The following KCNK13 variants were observed in gnomAD, a reference collection of about 807,000 sequenced individuals.
KCNK13 encodes the protein potassium two pore domain channel subfamily K member 13.
Under a neutral mutation model 23.4 loss-of-function variants are expected in KCNK13, and 12 were observed. The observed-to-expected ratio is 0.51, with a 90% confidence interval of 0.33 to 0.83. The LOEUF is 0.83. KCNK13 is among the 40% of genes least tolerant of loss of function. The probability of loss-of-function intolerance (pLI) is 0.02; values close to 1 mark genes in which losing one functional copy is unlikely to be tolerated. For missense variants in KCNK13, 463 were observed against 556.3 expected (o/e 0.83, Z 1.69); for synonymous variants, 231 against 229.5 (o/e 1.01, Z -0.06).
chr14:90,137,657 G>A (rs1251818331), intron 1 of KCNK13, among the ~76,000 whole-genome samples: 1 of 152,124 alleles, frequency 6.6e-6, no homozygotes, highest in Non-Finnish European at 1.5e-5. Context: ...GAGAACAAAT[G>A]AAAGAAGGCT....
intron 1 of KCNK13, among the ~76,000 whole-genome samples, chr14:90,143,416 A>G (rs1410720119): frequency 6.6e-6 from 1 of 151,966 alleles, no homozygotes; most frequent in Non-Finnish European, 1.5e-5. Context: ...CCAAAGCAGC[A>G]CATTTGGGAG....
intron 1 of KCNK13, among the ~76,000 whole-genome samples, chr14:90,173,033 A>G (rs1378825439): frequency 2.0e-5 from 3 of 152,226 alleles, no homozygotes; most frequent in Non-Finnish European, 4.4e-5. Context: ...CTAGAAATCA[A>G]TAATAAACAA....
In KCNK13 at chr14:90,178,012, G is replaced by A. The variant is rs550332374; in HGVS notation, c.335-6099G>A. Among the ~76,000 whole-genome samples, 11 of 152,264 alleles carry A rather than the reference G, an allele frequency of 7.2e-5. No individual in the cohort carries two copies. The South Asian group carries it at 2.1e-3, about 29-fold the overall frequency. ...TGACTCATGCTGCAGACACACTGCA[G>A]ACACACAAAGTTGCTCTGCTTTTTT... is the stretch of plus-strand genomic sequence containing the variant. On this transcript the variant is annotated intron_variant, in intron 1 of 1. Transcript: ENST00000282146.
chr14:90,157,563 G>A (rs1182106379), intron 1 of KCNK13, among the ~76,000 whole-genome samples: 1 of 151,516 alleles, frequency 6.6e-6, no homozygotes, highest in African/African-American at 2.4e-5. Context: ...ACCCAGCTAA[G>A]TTTTTAAATT....
At chr14:90,142,545 C>G (rs1404065536) in intron 1 of KCNK13, among the ~76,000 whole-genome samples, 3 of 151,334 alleles carry the variant, frequency 2.0e-5, no homozygotes, top group African/African-American at 7.3e-5. Flanking sequence ...GTCTCGATCT[C>G]CTGACCTCGT....
intron 1 of KCNK13, among the ~76,000 whole-genome samples, chr14:90,155,154 G>A (rs1176744389): frequency 6.6e-6 from 1 of 152,168 alleles, no homozygotes; most frequent in African/African-American, 2.4e-5. Context: ...TAGGGTGGTT[G>A]GGGAAGGCTT....
intron 1 of KCNK13, among the ~76,000 whole-genome samples, chr14:90,113,602 C>T (rs936077211): frequency 6.6e-6 from 1 of 151,968 alleles, no homozygotes; most frequent in Admixed American, 6.6e-5. Flanking sequence ...GAGTTTTGAC[C>T]CATGTGCCAT....
intron 1 of KCNK13, among the ~76,000 whole-genome samples, chr14:90,079,118 C>G (rs1889177562): frequency 6.6e-6 from 1 of 152,008 alleles, no homozygotes; most frequent in Non-Finnish European, 1.5e-5. Context: ...CCCTAGTGCT[C>G]AGGTTCAACA....
chr14:90,144,135 T>C (rs973100511), intron 1 of KCNK13, among the ~76,000 whole-genome samples: 1 of 152,204 alleles, frequency 6.6e-6, no homozygotes, highest in African/African-American at 2.4e-5. Context: ...ATTGAATCAA[T>C]CTGGGGAGAA....
rs546423368 is a variant in KCNK13, at chr14:90,101,790, C to CAAAAAAAAAAAAAAAAAAAAA, written c.334+39253_334+39273dup. Among the ~76,000 whole-genome samples, 103 of 55,564 alleles carry CAAAAAAAAAAAAAAAAAAAAA rather than the reference C, an allele frequency of 1.9e-3. 7 individuals are homozygous for CAAAAAAAAAAAAAAAAAAAAA. Among genetic ancestry groups the CAAAAAAAAAAAAAAAAAAAAA allele is most frequent in the African/African-American group, 2.9e-3 (44 of 15,146 alleles). The allele number at this position is 55,564 out of a possible 152,430, so 36.5% of individuals were successfully genotyped here. A position where few individuals can be genotyped will look rare whatever the true frequency, so the allele number is the denominator to read the frequency against. On this transcript the variant is annotated intron_variant, in intron 1 of 1. Coordinates refer to ENST00000282146, the MANE Select transcript of KCNK13 (RefSeq NM_022054.4). ...GGGCAACAGAGTGAGACTCCGTCTC[C>CAAAAAAAAAAAAAAAAAAAAA]AAAAAAAAAAAAAAAAAAAAAACCT...
At chr14:90,087,575 C>T (rs1889295751) in intron 1 of KCNK13, among the ~76,000 whole-genome samples, 1 of 152,108 alleles carries the variant, frequency 6.6e-6, no homozygotes, top group Non-Finnish European at 1.5e-5. Context: ...GAGCATTCAT[C>T]CACTTGTAGT....
At chr14:90,136,201 C>T (rs778363811) in intron 1 of KCNK13, among the ~76,000 whole-genome samples, 11 of 152,156 alleles carry the variant, frequency 7.2e-5, no homozygotes, top group Non-Finnish European at 1.3e-4. Flanking sequence ...ATTGAGCTCA[C>T]ATTTCATGCC....
At chr14:90,140,096 T>G (rs1889987677) in intron 1 of KCNK13, among the ~76,000 whole-genome samples, 1 of 152,126 alleles carries the variant, frequency 6.6e-6, no homozygotes, top group South Asian at 2.1e-4. Context: ...ACCCACCATT[T>G]CAGGGGAACC....
intron 1 of KCNK13, among the ~76,000 whole-genome samples, chr14:90,124,600 C>T (rs962441286): frequency 6.6e-6 from 1 of 152,336 alleles, no homozygotes; most frequent in South Asian, 2.1e-4. Context: ...AAACGGGGAC[C>T]TCGGTCCTGC....
chr14:90,106,871 A>C (rs1226380770), intron 1 of KCNK13, among the ~76,000 whole-genome samples: 7 of 151,770 alleles, frequency 4.6e-5, no homozygotes, highest in Non-Finnish European at 1.0e-4. Flanking sequence ...AAAATACAAA[A>C]ATTAGCTGGG....
At chr14:90,136,512 T>C (rs994993952) in intron 1 of KCNK13, among the ~76,000 whole-genome samples, 8 of 145,880 alleles carry the variant, frequency 5.5e-5, no homozygotes, top group Admixed American at 3.0e-4. Context: ...GAGGAGGGAA[T>C]TAAAAAAAAA....
At chr14:90,122,535 G>T (rs1036947070) in intron 1 of KCNK13, among the ~76,000 whole-genome samples, 2 of 151,688 alleles carry the variant, frequency 1.3e-5, no homozygotes, top group African/African-American at 4.9e-5. Context: ...TAGTAGACAG[G>T]GTTTCACCAT....
chr14:90,074,953 C>T (rs1889117816), intron 1 of KCNK13, among the ~76,000 whole-genome samples: 1 of 152,072 alleles, frequency 6.6e-6, no homozygotes, highest in Non-Finnish European at 1.5e-5. Flanking sequence ...TTAGCAGATA[C>T]TTGCTGACTT....
intron 1 of KCNK13, among the ~76,000 whole-genome samples, chr14:90,143,554 T>C (rs1426830790): frequency 6.6e-6 from 1 of 152,200 alleles, no homozygotes; most frequent in Non-Finnish European, 1.5e-5. Flanking sequence ...TCACATTATC[T>C]AGATTATTGC....
Sources: allele counts gnomAD v4.1 joint callset (sites outside exome capture counted in the v4.1 genomes callset), GRCh38; gene constraint gnomAD v4.1.1; transcripts MANE v1.5; gene names NCBI Gene and HGNC (gene_info 2026-07-23, HGNC 2026-07-21).